The following PHF14 variants were observed in gnomAD, a reference collection of about 807,000 sequenced individuals.
The protein encoded by PHF14 is PHD finger protein 14.
Under a neutral mutation model 117.9 loss-of-function variants are expected in PHF14, and 55 were observed. The observed-to-expected ratio is 0.47, with a 90% CI of 0.38 to 0.58. The LOEUF is 0.58. Ranked by LOEUF, PHF14 falls within the 20% of genes least tolerant of loss-of-function variation. The probability of loss-of-function intolerance (pLI) is 0.00; values close to 1 mark genes in which losing one functional copy is unlikely to be tolerated. For synonymous variants in PHF14, 409 were observed against 368.6 expected, an observed-to-expected ratio of 1.11 and a Z score of -1.26; for missense variants, 978 against 1,122.2, an observed-to-expected ratio of 0.87 and a Z score of 1.84.
At chr7:11,000,906 T>C (rs1380110963) in intron 4 of PHF14, among the ~76,000 whole-genome samples, 3 of 152,256 alleles carry the variant, frequency 2.0e-5, no homozygotes, top group Non-Finnish European at 4.4e-5. Context: ...TTTATTACGC[T>C]TTTGGTCTTG....
In PHF14 at chr7:11,130,609, C is replaced by G. The variant is rs1320804912; in HGVS notation, c.2772+19142C>G. Among the ~76,000 whole-genome samples, 3 of 151,966 alleles carry G rather than the reference C, an allele frequency of 2.0e-5. No individual in the cohort carries two copies. In the East Asian group the frequency reaches 5.8e-4, roughly 29 times the overall value. On this transcript the variant is annotated intron_variant, in intron 17 of 17. Coordinates refer to ENST00000634607, the MANE Select transcript of PHF14 (RefSeq NM_001007157.2). The surrounding 1 kb of genome is among the most constrained non-coding windows in gnomAD (Gnocchi z 4.2). ...CCCTTCCTCCTTCCCCTAGTTTCCTCTGTTACCATCTTGCATTCATGTGGT... is the reference window on the plus strand; with the variant it reads ...CCCTTCCTCCTTCCCCTAGTTTCCTGTGTTACCATCTTGCATTCATGTGGT...
chr7:11,013,864 G>A lies in PHF14; in HGVS notation c.1163G>A (p.Cys388Tyr). ...GGTGTTTCTCCTAGCTGTGAACTGT[G>A]TCCTAATCAGGATGGAATTTTCAAG... is the stretch of plus-strand genomic sequence containing the variant. Reference protein sequence around the residue: ...KCGVSPSCELCPNQDGIFKET... With the variant: ...KCGVSPSCELYPNQDGIFKET... The change falls in exon 5 of 18, where the codon TGT (cysteine) becomes TAT (tyrosine). Residue 388 changes from cysteine to tyrosine, a missense_variant. By Grantham distance (194) the Cys-to-Tyr change is radical. Around this residue, in one of 7 missense-constraint regions of PHF14, gnomAD observed 86 missense variants for 137.8 expected, o/e 0.62. Coordinates refer to ENST00000634607, the MANE Select transcript of PHF14 (RefSeq NM_001007157.2). 6.2e-7 allele frequency: 1 copy of A among 1,608,634 alleles called. No individual in the cohort carries two copies. The highest frequency in any genetic ancestry group is 8.5e-7 in the Non-Finnish European group (1 of 1,176,006).
At chr7:11,090,129 T>G (rs1786589094) in intron 16 of PHF14, among the ~76,000 whole-genome samples, 1 of 152,232 alleles carries the variant, frequency 6.6e-6, no homozygotes, top group Non-Finnish European at 1.5e-5. Context: ...AGATTATGCA[T>G]GAAGCCTCAA....
intron 3 of PHF14, among the ~76,000 whole-genome samples, chr7:10,986,087 G>T (rs1267737465): frequency 2.6e-5 from 4 of 151,922 alleles, no homozygotes; most frequent in African/African-American, 9.7e-5. Context: ...TCCCACCTCA[G>T]CCTTTGGAGT....
At position 11,036,560 on chromosome 7, in the gene PHF14, A is replaced by G; in HGVS notation, c.1745A>G (p.Lys582Arg). The stretch of plus-strand genomic sequence containing the variant: ...TCAGCTATTCGTAAACTTATGCGGA[A>G]AGCAGAACTCATGGGGATCAGTACA... ...SASAIRKLMRKAELMGISTDI... is the reference protein window; with the variant it reads ...SASAIRKLMRRAELMGISTDI... Residue 582 changes from lysine (K) to arginine (R), a missense_variant, in exon 9 of 18, where the codon AAA becomes AGA. Physicochemically the swap from Lys to Arg is conservative, Grantham distance 26 (BLOSUM62 2). Around this residue, in one of 7 missense-constraint regions of PHF14, gnomAD observed 237 missense variants for 276.4 expected, o/e 0.86. Transcript: ENST00000634607. 1 of 1,613,990 alleles carries G rather than the reference A, an allele frequency of 6.2e-7. No individual in the cohort carries two copies. The highest frequency in any genetic ancestry group is 8.5e-7 in the Non-Finnish European group (1 of 1,179,872).
At chr7:11,111,293 G>T in intron 16 of PHF14, 57 bp from the exon 17 acceptor site, 1 of 787,282 alleles carries the variant, frequency 1.3e-6, no homozygotes, top group Non-Finnish European at 2.1e-6. Flanking sequence ...TTTTCATGAA[G>T]TAGATGGTTT....
Position 10,999,284 on chromosome 7 carries a change from A to G in PHF14, c.1045+8437A>G, listed in dbSNP as rs11978011. Among the ~76,000 whole-genome samples, 956 of 152,234 alleles carry G rather than the reference A, an allele frequency of 6.3e-3. 8 individuals carry two copies. Among genetic ancestry groups the G allele is most frequent in the African/African-American group, 0.022 (916 of 41,538 alleles). On this transcript the variant is annotated intron_variant, in intron 4 of 17. Transcript: ENST00000634607. Reference sequence around the variant, plus strand: ...GTTCACTCCAGTCCTCTCTCAAACCACTTACTCATTTTTGTTAGTTGCCTA... The same window carrying G: ...GTTCACTCCAGTCCTCTCTCAAACCGCTTACTCATTTTTGTTAGTTGCCTA...
Position 11,055,824 on chromosome 7 carries a change from T to C in PHF14, c.2481+4044T>C, listed in dbSNP as rs145741882. Among the ~76,000 whole-genome samples the C allele has an allele frequency of 2.0e-3, 297 of 145,240 alleles. 1 individual carries two copies. The highest frequency in any genetic ancestry group is 6.8e-3 in the African/African-American group (275 of 40,354). ...CTTGAGAATCTGAAAATATGAAATATGTTTCATATAAATATTTTTTAGATG... is the reference window on the plus strand; with the variant it reads ...CTTGAGAATCTGAAAATATGAAATACGTTTCATATAAATATTTTTTAGATG... On this transcript the variant is annotated intron_variant, in intron 14 of 17. Transcript: ENST00000634607.
At chr7:11,064,720 C>T (rs1433338047) in intron 16 of PHF14, among the ~76,000 whole-genome samples, 1 of 151,926 alleles carries the variant, frequency 6.6e-6, no homozygotes, top group Non-Finnish European at 1.5e-5. Flanking sequence ...TGAACAATTG[C>T]ATGCAATTTG....
chr7:11,054,364 T>C (rs961393946), intron 14 of PHF14, among the ~76,000 whole-genome samples: 2 of 152,174 alleles, frequency 1.3e-5, no homozygotes, highest in African/African-American at 2.4e-5. Context: ...CTACTAATGG[T>C]GATTACCTTT....
chr7:11,167,183 T>C lies in PHF14; in HGVS notation c.2773-2233T>C, dbSNP rs550586414. ...AGCAAGGTTGCTAGAGAAAACTAGA[T>C]AGCCAAGCATGTTAAACCGGGAAGT... On this transcript the variant is annotated intron_variant, in intron 17 of 17. Coordinates refer to ENST00000634607, the MANE Select transcript of PHF14 (RefSeq NM_001007157.2). Among the ~76,000 whole-genome samples, 4 of 152,312 alleles carry C rather than the reference T, an allele frequency of 2.6e-5. No homozygotes were observed. The East Asian group carries it at 7.7e-4, about 29-fold the overall frequency.
At chr7:11,092,707 TG>T (rs972491764) in intron 16 of PHF14, among the ~76,000 whole-genome samples, 28 of 152,142 alleles carry the variant, frequency 1.8e-4, no homozygotes, top group African/African-American at 5.1e-4. Context: ...CTTTTTTTTT[TG>T]TTCTAATGTG....
intron 4 of PHF14, among the ~76,000 whole-genome samples, chr7:11,005,980 G>A (rs1031266348): frequency 1.3e-5 from 2 of 152,008 alleles, no homozygotes; most frequent in Middle Eastern, 3.4e-3. Context: ...TTTGAGTAGA[G>A]ACGGGGTTTC....
intron 16 of PHF14, among the ~76,000 whole-genome samples, chr7:11,075,600 C>A (rs1389153737): frequency 7.7e-6 from 1 of 130,196 alleles, no homozygotes; most frequent in African/African-American, 3.0e-5. Context: ...TATTATTATG[C>A]CATTCATGAG....
At chr7:11,036,722 C>A in intron 9 of PHF14, 34 bp downstream of exon 9, 1 of 1,569,788 alleles carries the variant, frequency 6.4e-7, no homozygotes. Flanking sequence ...CACATTTTCA[C>A]TGAGAACAAT....
At chr7:11,037,172 A>G in intron 10 of PHF14, 81 bp downstream of exon 10, 2 of 1,290,684 alleles carry the variant, frequency 1.5e-6, no homozygotes, top group Non-Finnish European at 2.1e-6. Context: ...CATTTCTTTT[A>G]TGTTTTGTTT....
At chr7:11,129,786 A>G (rs200083467) in intron 17 of PHF14, among the ~76,000 whole-genome samples, 5 of 152,140 alleles carry the variant, frequency 3.3e-5, no homozygotes, top group South Asian at 4.1e-4. Flanking sequence ...CTAGTAGGAT[A>G]GATAAAGCAT....
intron 5 of PHF14, among the ~76,000 whole-genome samples, chr7:11,018,482 A>G (rs1398869607): frequency 2.0e-5 from 3 of 152,020 alleles, no homozygotes; most frequent in Non-Finnish European, 2.9e-5. Flanking sequence ...GTTAATTCCT[A>G]GGTATTTAAT....
At chr7:11,080,625 A>T (rs573887362) in intron 16 of PHF14, among the ~76,000 whole-genome samples, 23 of 152,174 alleles carry the variant, frequency 1.5e-4, no homozygotes, top group Non-Finnish European at 3.1e-4. Flanking sequence ...ACATTTAGTC[A>T]GCAATTCTTT....
Sources: gnomAD v4.1 joint callset for allele counts (sites outside exome capture counted in the v4.1 genomes callset) on GRCh38, gnomAD v4.1.1 for gene constraint, gnomAD v4.1.1 regional missense constraint, Gnocchi (gnomAD v3.1) non-coding constraint, MANE v1.5 for transcripts, NCBI Gene and HGNC (gene_info 2026-07-23, HGNC 2026-07-21) for gene names.